Variants in SPTBN1 observed in about 807,000 individuals in gnomAD.
The protein encoded by SPTBN1 is spectrin beta chain, non-erythrocytic 1.
A neutral mutation model predicts 266.4 loss-of-function variants in SPTBN1; 32 were observed. The observed-to-expected ratio is 0.12, with a 90% CI of 0.09 to 0.16. The LOEUF is 0.16. Among genes scored for constraint, SPTBN1 ranks in the 10% least tolerant of loss-of-function variants. The probability of loss-of-function intolerance (pLI) is 1.00; values close to 1 mark genes in which losing one functional copy is unlikely to be tolerated. For missense variants in SPTBN1, 2,296 were observed against 3,067.1 expected (o/e 0.75, Z 5.94); for synonymous variants, 1,336 against 1,162.2 (o/e 1.15, Z -3.04).
chr2:54,547,562 T>C (rs1672319171), intron 2 of SPTBN1, among the ~76,000 whole-genome samples: 1 of 152,202 alleles, frequency 6.6e-6, no homozygotes, highest in Non-Finnish European at 1.5e-5. Flanking sequence ...GCTGCACCAT[T>C]TACATTCCTA....
At chr2:54,596,199 C>T (rs902213588) in intron 2 of SPTBN1, among the ~76,000 whole-genome samples, 4 of 152,190 alleles carry the variant, frequency 2.6e-5, no homozygotes, top group African/African-American at 7.2e-5. Flanking sequence ...TCCTGCTCCT[C>T]CTCAGACTGT....
chr2:54,524,448 G>A (rs1670675865), intron 1 of SPTBN1, among the ~76,000 whole-genome samples: 1 of 152,084 alleles, frequency 6.6e-6, no homozygotes. Context: ...CTCGGGTCTA[G>A]TCAGTCCTTC....
At chr2:54,590,910 T>C (rs1360095456) in intron 2 of SPTBN1, among the ~76,000 whole-genome samples, 1 of 152,178 alleles carries the variant, frequency 6.6e-6, no homozygotes, top group African/African-American at 2.4e-5. Context: ...GAAAAACCAC[T>C]GATTGAGGAA....
At chr2:54,553,538 C>CCAT (rs1553445742) in intron 2 of SPTBN1, among the ~76,000 whole-genome samples, 1 of 152,142 alleles carries the variant, frequency 6.6e-6, no homozygotes, top group African/African-American at 2.4e-5. Context: ...GAGAAATTGG[C>CCAT]TGTGGTCATC....
intron 18 of SPTBN1, among the ~76,000 whole-genome samples, chr2:54,640,140 C>T (rs1226072191): frequency 6.6e-6 from 1 of 152,138 alleles, no homozygotes; most frequent in Non-Finnish European, 1.5e-5. Flanking sequence ...TTCCATCATT[C>T]AGCCTTATTA....
chr2:54,621,975 T>C (rs1678019614), intron 8 of SPTBN1, among the ~76,000 whole-genome samples: 1 of 152,240 alleles, frequency 6.6e-6, no homozygotes, highest in South Asian at 2.1e-4. Flanking sequence ...TCAAGCTAAA[T>C]TGAGCCCTTT....
intron 3 of SPTBN1, among the ~76,000 whole-genome samples, chr2:54,607,616 C>CA (rs568501443): frequency 0.032 from 4,651 of 146,526 alleles, 240 homozygotes; most frequent in African/African-American, 0.11. Context: ...GACTCTGTCT[C>CA]AAAAAAAAAA....
At chr2:54,594,916 C>T (rs888983912) in intron 2 of SPTBN1, among the ~76,000 whole-genome samples, 1 of 148,052 alleles carries the variant, frequency 6.8e-6, no homozygotes, top group African/African-American at 2.5e-5. Context: ...CTCACTGCAA[C>T]CTTTTTCTCC....
chr2:54,535,240 T>A (rs1671532266), intron 2 of SPTBN1: 1 of 152,258 alleles, frequency 6.6e-6, no homozygotes, highest in Non-Finnish European at 1.5e-5. Context: ...CATATCAGCT[T>A]TATTGCAGTA....
chr2:54,645,265 A>G lies in SPTBN1; in HGVS notation c.4306A>G (p.Ile1436Val). ...TCAGATGGAAGTGCGGAAGAAGGAG[A>G]TCGAAGAGCTCCAAAGCCAAGCCCA... ...ENQMEVRKKE[I>V]EELQSQAQAL... is the part of the protein sequence containing the mutation. The change falls in exon 21 of 36, where the codon ATC becomes GTC. Residue 1436 changes from isoleucine to valine, a missense_variant. Around this residue, in one of 12 missense-constraint regions of SPTBN1, gnomAD observed 386 missense variants for 486.1 expected, o/e 0.79. Coordinates refer to ENST00000356805, the MANE Select transcript of SPTBN1 (RefSeq NM_003128.3). The surrounding 1 kb of genome is among the most constrained non-coding windows in gnomAD (Gnocchi z 4.3). 1 of 1,614,142 alleles carries G rather than the reference A, an allele frequency of 6.2e-7. No individual in the cohort carries two copies. The highest frequency in any genetic ancestry group is 8.5e-7 in the Non-Finnish European group (1 of 1,180,016).
intron 1 of SPTBN1, among the ~76,000 whole-genome samples, chr2:54,475,691 A>G (rs967136369): frequency 6.6e-6 from 1 of 152,204 alleles, no homozygotes; most frequent in Admixed American, 6.5e-5. Flanking sequence ...ACTATTTTTT[A>G]AATTCATCAT....
chr2:54,547,363 A>C (rs1672305758), intron 2 of SPTBN1, among the ~76,000 whole-genome samples: 1 of 152,176 alleles, frequency 6.6e-6, no homozygotes, highest in Non-Finnish European at 1.5e-5. Context: ...CCATTCATCC[A>C]TTGATGGACA....
At chr2:54,522,697 G>GAAAGAGAAAGAA (rs1484752073) in intron 1 of SPTBN1, among the ~76,000 whole-genome samples, 16 of 97,298 alleles carry the variant, frequency 1.6e-4, no homozygotes, top group South Asian at 3.1e-4. Flanking sequence ...GAGAGAGAGA[G>GAAAGAGAAAGAA]AGAAAGAAAG....
chr2:54,573,939 C>T (rs1404490874), intron 2 of SPTBN1, among the ~76,000 whole-genome samples: 1 of 149,350 alleles, frequency 6.7e-6, no homozygotes, highest in South Asian at 2.1e-4. Flanking sequence ...AGAACACCAG[C>T]CCTCCCTTCT....
chr2:54,526,791 T>C, intron 2 of SPTBN1: 1 of 404,024 alleles, frequency 2.5e-6, no homozygotes, highest in East Asian at 4.0e-5. Flanking sequence ...GAGTGTTATT[T>C]ATAGCAATTC....
chr2:54,609,095 A>AG (rs1677048997), intron 3 of SPTBN1, among the ~76,000 whole-genome samples: 1 of 152,178 alleles, frequency 6.6e-6, no homozygotes, highest in Non-Finnish European at 1.5e-5. Flanking sequence ...CAGAAGAGGC[A>AG]GGGACACTTG....
chr2:54,656,375 G>C (rs1216512783), intron 29 of SPTBN1, among the ~76,000 whole-genome samples: 1 of 152,162 alleles, frequency 6.6e-6, no homozygotes, highest in Admixed American at 6.5e-5. Flanking sequence ...GTGGAATGTT[G>C]ATAACATAAT....
chr2:54,661,845 GAA>G, intron 32 of SPTBN1: 1 of 985,422 alleles, frequency 1.0e-6, no homozygotes. Context: ...AAGCACACAA[GAA>G]AAGAGTGCTA....
At chr2:54,660,914 C>G in intron 32 of SPTBN1, 1 of 985,454 alleles carries the variant, frequency 1.0e-6, no homozygotes, top group South Asian at 4.7e-5. Flanking sequence ...ACTTCCATGC[C>G]TCTCCATTCA....
Sources: gnomAD v4.1 joint callset for allele counts (sites outside exome capture counted in the v4.1 genomes callset) on GRCh38, gnomAD v4.1.1 for gene constraint, gnomAD v4.1.1 regional missense constraint, Gnocchi (gnomAD v3.1) non-coding constraint, MANE v1.5 for transcripts, NCBI Gene and HGNC (gene_info 2026-07-23, HGNC 2026-07-21) for gene names.